OR2L13: variants seen among roughly 807,000 people sequenced by gnomAD.
OR2L13 encodes olfactory receptor family 2 subfamily L member 13.
A neutral mutation model predicts 15.3 loss-of-function variants in OR2L13; 14 were observed. The ratio of observed to expected loss-of-function variants is 0.91; its 90% CI spans 0.60 to 1.43. The LOEUF (loss-of-function observed/expected upper bound fraction) is 1.43. Ranked by LOEUF, OR2L13 falls within the 40% of genes most tolerant of loss-of-function variation. OR2L13 has a pLI of 0.00. For missense variants in OR2L13, 367 were observed against 387.9 expected (o/e 0.95, Z 0.45); for synonymous variants, 152 against 142.9 (o/e 1.06, Z -0.45).
At chr1:247,948,953 C>T in the OR2L13 span, 4 of 1,613,904 alleles carry the variant, frequency 2.5e-6, no homozygotes, top group Non-Finnish European at 3.4e-6. Flanking sequence ...TCATTGTTTT[C>T]ATTTTCCTGA....
chr1:247,938,001 TACAA>T, the OR2L13 span, among the ~76,000 whole-genome samples: 5 of 152,162 alleles, frequency 3.3e-5, no homozygotes, highest in African/African-American at 1.2e-4. Flanking sequence ...TGAAATATGG[TACAA>T]ACATTTTAAA....
chr1:248,016,070 A>G, the OR2L13 span, among the ~76,000 whole-genome samples: 2 of 152,158 alleles, frequency 1.3e-5, no homozygotes, highest in Non-Finnish European at 2.9e-5. Flanking sequence ...TGAGACTATC[A>G]CTGAAAAATC....
At chr1:247,948,941 T>G in the OR2L13 span, 1 of 1,613,714 alleles carries the variant, frequency 6.2e-7, no homozygotes, top group African/African-American at 1.3e-5. Context: ...TCTTCTTCAT[T>G]CTCATTGTTT....
the OR2L13 span, among the ~76,000 whole-genome samples, chr1:248,085,318 A>G: frequency 6.6e-6 from 1 of 151,470 alleles, no homozygotes; most frequent in Non-Finnish European, 1.5e-5. Flanking sequence ...AAAAATCACT[A>G]CTGTCCAAAC....
At chr1:248,056,226 G>A in the OR2L13 span, among the ~76,000 whole-genome samples, 1 of 151,752 alleles carries the variant, frequency 6.6e-6, no homozygotes, top group Non-Finnish European at 1.5e-5. Flanking sequence ...CAACGTGCAG[G>A]TTAGTTACAT....
chr1:247,943,097 C>T, the OR2L13 span, among the ~76,000 whole-genome samples: 1 of 152,100 alleles, frequency 6.6e-6, no homozygotes, highest in Non-Finnish European at 1.5e-5. Context: ...TTTATTGATT[C>T]TTCTGTAGAT....
At chr1:248,028,574 A>G in the OR2L13 span, among the ~76,000 whole-genome samples, 4 of 152,204 alleles carry the variant, frequency 2.6e-5, no homozygotes, top group Non-Finnish European at 5.9e-5. Flanking sequence ...AGTTTTATTT[A>G]TATTTCTTAT....
At chr1:248,019,141 A>C in the OR2L13 span, among the ~76,000 whole-genome samples, 2 of 152,156 alleles carry the variant, frequency 1.3e-5, no homozygotes, top group Non-Finnish European at 2.9e-5. Flanking sequence ...CTTTGGGTCC[A>C]CATTCAGAAG....
chr1:248,068,489 C>T, the OR2L13 span, among the ~76,000 whole-genome samples: 1 of 152,106 alleles, frequency 6.6e-6, no homozygotes, highest in South Asian at 2.1e-4. Context: ...ACATCAAAAA[C>T]CCATCTGTAC....
the OR2L13 span, chr1:248,022,547 G>C: frequency 1.2e-6 from 2 of 1,614,122 alleles, no homozygotes; most frequent in Non-Finnish European, 1.7e-6. Flanking sequence ...CAGTGTTTTT[G>C]AGCAGCACCA....
At chr1:248,033,583 C>T in the OR2L13 span, among the ~76,000 whole-genome samples, 19 of 148,714 alleles carry the variant, frequency 1.3e-4, 1 homozygote, top group South Asian at 2.2e-3. Flanking sequence ...ACTACTGGTG[C>T]GAGCCACCAC....
At chr1:248,010,065 A>G in the OR2L13 span, among the ~76,000 whole-genome samples, 1 of 152,120 alleles carries the variant, frequency 6.6e-6, no homozygotes, top group African/African-American at 2.4e-5. Context: ...TACAATACTG[A>G]ATGGGCAAAA....
the OR2L13 span, among the ~76,000 whole-genome samples, chr1:247,971,814 A>G: frequency 6.6e-6 from 1 of 152,212 alleles, no homozygotes; most frequent in Non-Finnish European, 1.5e-5. Flanking sequence ...AATGGAATGT[A>G]CATTCTTTTC....
chr1:248,032,333 A>G, the OR2L13 span, among the ~76,000 whole-genome samples: 2 of 152,088 alleles, frequency 1.3e-5, no homozygotes, highest in Admixed American at 6.6e-5. Context: ...GAGATAATAC[A>G]TATTATCTCA....
chr1:248,095,419 C>T (rs1664693145), upstream of OR2L13, among the ~76,000 whole-genome samples: 1 of 151,888 alleles, frequency 6.6e-6, no homozygotes, highest in South Asian at 2.1e-4. Context: ...GTTTCTTCCT[C>T]ATGAATTTTG....
At chr1:248,033,678 G>A in the OR2L13 span, among the ~76,000 whole-genome samples, 1 of 151,144 alleles carries the variant, frequency 6.6e-6, no homozygotes, top group Non-Finnish European at 1.5e-5. Context: ...CTGAGCTCAA[G>A]CAATTCTGCC....
chr1:248,054,700 G>A, the OR2L13 span, among the ~76,000 whole-genome samples: 10 of 152,020 alleles, frequency 6.6e-5, no homozygotes, highest in African/African-American at 2.2e-4. Context: ...TATCTTTGTG[G>A]CAATTATGAA....
chr1:248,045,196 C>T, the OR2L13 span, among the ~76,000 whole-genome samples: 2 of 152,178 alleles, frequency 1.3e-5, no homozygotes, highest in African/African-American at 4.8e-5. Context: ...TTCAATTGCA[C>T]TGAACACAGA....
the OR2L13 span, among the ~76,000 whole-genome samples, chr1:248,026,021 C>A: frequency 1.1e-3 from 163 of 152,102 alleles, no homozygotes; most frequent in Non-Finnish European, 1.8e-3. Flanking sequence ...ATGAGTGCAG[C>A]ACACCAGCAT....
Sources: gnomAD v4.1 joint callset for allele counts (sites outside exome capture counted in the v4.1 genomes callset) on GRCh38, gnomAD v4.1.1 for gene constraint, MANE v1.5 for transcripts, NCBI Gene and HGNC (gene_info 2026-07-23, HGNC 2026-07-21) for gene names.